Variants in KCNH7 observed in about 807,000 individuals in gnomAD.
KCNH7 encodes the protein potassium voltage-gated channel subfamily H member 7.
Under a neutral mutation model 120.8 loss-of-function variants are expected in KCNH7, and 49 were observed. The ratio of observed to expected loss-of-function variants is 0.41; its 90% CI spans 0.32 to 0.51. The LOEUF (loss-of-function observed/expected upper bound fraction) is 0.51. Among genes scored for constraint, KCNH7 ranks in the 20% least tolerant of loss-of-function variants. The pLI, the probability that KCNH7 is intolerant of heterozygous loss-of-function variation, is 0.38. For synonymous variants in KCNH7, 547 were observed against 516.1 expected, an observed-to-expected ratio of 1.06 and a Z score of -0.81; for missense variants, 1,097 against 1,446.6, an observed-to-expected ratio of 0.76 and a Z score of 3.92.
At chr2:162,725,802 A>G (rs1205715897) in intron 2 of KCNH7, among the ~76,000 whole-genome samples, 1 of 152,180 alleles carries the variant, frequency 6.6e-6, no homozygotes, top group African/African-American at 2.4e-5. Flanking sequence ...CCATGTAGAA[A>G]ACACTCAGCT....
rs183798878 is a variant in KCNH7, at chr2:162,576,615, C to T, written c.308-39535G>A. ...CACTTTTCCCCCTCAAAAGAGTCCACCTCAACCACAAAAATATTTCTAGTG... is the reference window on the plus strand; with the variant it reads ...CACTTTTCCCCCTCAAAAGAGTCCATCTCAACCACAAAAATATTTCTAGTG... On this transcript the variant is annotated intron_variant, in intron 2 of 15. Coordinates refer to ENST00000332142, the MANE Select transcript of KCNH7 (RefSeq NM_033272.4). Among the ~76,000 whole-genome samples the T allele has an allele frequency of 7.4e-4, 112 of 151,488 alleles. 1 individual carries two copies. Among genetic ancestry groups the T allele is most frequent in the Middle Eastern group, 3.4e-3 (1 of 292 alleles).
At chr2:162,688,437 T>C (rs10177413) in intron 2 of KCNH7, among the ~76,000 whole-genome samples, 15,421 of 152,100 alleles carry the variant, frequency 0.1, 2,453 homozygotes, top group African/African-American at 0.34. Context: ...CGCTAAAGAC[T>C]GCATACAGAG....
At chr2:162,803,248 T>C (rs1465164497) in intron 2 of KCNH7, among the ~76,000 whole-genome samples, 1 of 151,766 alleles carries the variant, frequency 6.6e-6, no homozygotes, top group Non-Finnish European at 1.5e-5. Context: ...TCAATTTCCA[T>C]AAGTGAGGAA....
chr2:162,834,732 C>T (rs181641159), intron 2 of KCNH7, among the ~76,000 whole-genome samples: 94 of 152,246 alleles, frequency 6.2e-4, no homozygotes, highest in African/African-American at 2.0e-3. Context: ...TACACACCCA[C>T]ATTGCACAAC....
chr2:162,420,414 C>G (rs75130086), intron 9 of KCNH7, among the ~76,000 whole-genome samples: 3,151 of 152,002 alleles, frequency 0.021, 216 homozygotes, highest in Admixed American at 0.15. Context: ...CAAAACAAAA[C>G]AAAACACCAT....
At chr2:162,373,138 C>T (rs1558912378) in intron 15 of KCNH7, among the ~76,000 whole-genome samples, 1 of 152,022 alleles carries the variant, frequency 6.6e-6, no homozygotes, top group Non-Finnish European at 1.5e-5. Flanking sequence ...TTTTAAGAGC[C>T]AGGAAGACTA....
chr2:162,397,056 T>C (rs1686934058), intron 10 of KCNH7, 111 bp from the exon 11 acceptor site: 2 of 705,470 alleles, frequency 2.8e-6, no homozygotes. Flanking sequence ...GAACCAGACT[T>C]GGTGAGCAAT....
At chr2:162,548,767 C>T (rs189625687) in intron 2 of KCNH7, among the ~76,000 whole-genome samples, 6 of 152,206 alleles carry the variant, frequency 3.9e-5, no homozygotes, top group African/African-American at 7.2e-5. Context: ...CCTTAATTTC[C>T]CTATGTGTAA....
At chr2:162,823,561 G>A (rs1186951725) in intron 2 of KCNH7, among the ~76,000 whole-genome samples, 1 of 151,286 alleles carries the variant, frequency 6.6e-6, no homozygotes, top group Non-Finnish European at 1.5e-5. Context: ...AAGATTAGTG[G>A]CAAGAAGGCC....
intron 5 of KCNH7, among the ~76,000 whole-genome samples, chr2:162,509,253 AAT>A (rs764791175): frequency 7.9e-5 from 12 of 151,490 alleles, no homozygotes; most frequent in Non-Finnish European, 1.8e-4. Flanking sequence ...GCTAAAGGAG[AAT>A]ATGTTTTTCT....
chr2:162,652,144 A>G (rs1019781864), intron 2 of KCNH7, among the ~76,000 whole-genome samples: 1 of 152,338 alleles, frequency 6.6e-6, no homozygotes, highest in East Asian at 1.9e-4. Flanking sequence ...GAAAATTACA[A>G]AGCAGTGAAA....
chr2:162,570,239 G>A (rs566441112), intron 2 of KCNH7, among the ~76,000 whole-genome samples: 116 of 150,162 alleles, frequency 7.7e-4, no homozygotes, highest in African/African-American at 2.7e-3. Context: ...ATATATTTAG[G>A]ATAGTTAGCT....
At chr2:162,733,608 T>G (rs1437754076) in intron 2 of KCNH7, among the ~76,000 whole-genome samples, 3 of 152,214 alleles carry the variant, frequency 2.0e-5, no homozygotes, top group Non-Finnish European at 2.9e-5. Context: ...CAAAAGTGAT[T>G]GTTATTGTGA....
chr2:162,443,355 A>G (rs1258844421), intron 7 of KCNH7, among the ~76,000 whole-genome samples: 2 of 152,224 alleles, frequency 1.3e-5, no homozygotes, highest in Admixed American at 6.5e-5. Flanking sequence ...TGGCTAAAAC[A>G]GGAATTTCTT....
At chr2:162,536,159 A>G (rs1368040188) in intron 3 of KCNH7, among the ~76,000 whole-genome samples, 7 of 152,032 alleles carry the variant, frequency 4.6e-5, no homozygotes, top group African/African-American at 1.7e-4. Context: ...ATAAATTTAG[A>G]CACATTACCA....
chr2:162,654,445 G>A (rs1230613108), intron 2 of KCNH7, among the ~76,000 whole-genome samples: 2 of 151,630 alleles, frequency 1.3e-5, no homozygotes, highest in East Asian at 3.9e-4. Flanking sequence ...ACCCACACGA[G>A]ATACCACCTC....
At chr2:162,699,198 T>C (rs1474456547) in intron 2 of KCNH7, among the ~76,000 whole-genome samples, 1 of 152,098 alleles carries the variant, frequency 6.6e-6, no homozygotes, top group Non-Finnish European at 1.5e-5. Flanking sequence ...TAACTGAAAT[T>C]CTGTATCCTT....
intron 2 of KCNH7, among the ~76,000 whole-genome samples, chr2:162,551,448 T>C (rs986705261): frequency 6.6e-6 from 1 of 151,960 alleles, no homozygotes; most frequent in African/African-American, 2.4e-5. Context: ...AGAGTTGAAG[T>C]TCAGCTGTAA....
chr2:162,743,309 A>C (rs1246454340), intron 2 of KCNH7, among the ~76,000 whole-genome samples: 1 of 152,218 alleles, frequency 6.6e-6, no homozygotes, highest in Non-Finnish European at 1.5e-5. Flanking sequence ...ATTAATTTTA[A>C]AAAAGCTTCA....
Sources: allele counts gnomAD v4.1 joint callset (sites outside exome capture counted in the v4.1 genomes callset), GRCh38; gene constraint gnomAD v4.1.1; transcripts MANE v1.5; gene names NCBI Gene and HGNC (gene_info 2026-07-23, HGNC 2026-07-21).